GPC6: variants seen among roughly 807,000 people sequenced by gnomAD.
The protein encoded by GPC6 is glypican 6.
In GPC6, 14 loss-of-function variants were observed where a neutral mutation model predicts 55.2. That is an observed-to-expected ratio of 0.25 (90% CI 0.17 to 0.40). The LOEUF is 0.40. Among genes scored for constraint, GPC6 ranks in the 10% least tolerant of loss-of-function variants. The pLI, the probability that GPC6 is intolerant of heterozygous loss-of-function variation, is 1.00. For missense variants in GPC6, 641 were observed against 708.5 expected, an observed-to-expected ratio of 0.90 and a Z score of 1.08; for synonymous variants, 278 against 259.6, an observed-to-expected ratio of 1.07 and a Z score of -0.68.
chr13:94,073,940 A>C (rs966306719), intron 4 of GPC6, among the ~76,000 whole-genome samples: 1 of 152,204 alleles, frequency 6.6e-6, no homozygotes, highest in Non-Finnish European at 1.5e-5. Context: ...TGGCACTATT[A>C]GCAAAAATAA....
At chr13:94,195,960 C>G (rs1315931100) in intron 4 of GPC6, among the ~76,000 whole-genome samples, 1 of 152,214 alleles carries the variant, frequency 6.6e-6, no homozygotes, top group Non-Finnish European at 1.5e-5. Context: ...AAGCCAAAAC[C>G]ACTGCATGCT....
At chr13:93,675,372 G>A (rs972161410) in intron 2 of GPC6, among the ~76,000 whole-genome samples, 1 of 150,574 alleles carries the variant, frequency 6.6e-6, no homozygotes, top group Non-Finnish European at 1.5e-5. Context: ...TTACAAATTC[G>A]TGTTGATCAA....
intron 1 of GPC6, among the ~76,000 whole-genome samples, chr13:93,309,841 A>G (rs1158524451): frequency 6.6e-6 from 1 of 152,210 alleles, no homozygotes; most frequent in African/African-American, 2.4e-5. Context: ...ATTCCAATGT[A>G]AATCAGTTTG....
intron 6 of GPC6, among the ~76,000 whole-genome samples, chr13:94,322,037 T>G (rs941457947): frequency 6.6e-6 from 1 of 152,218 alleles, no homozygotes; most frequent in Non-Finnish European, 1.5e-5. Context: ...ATGGTTTTGC[T>G]GTATCTCCAC....
intron 1 of GPC6, among the ~76,000 whole-genome samples, chr13:93,353,286 T>C (rs1391124435): frequency 3.3e-5 from 5 of 152,208 alleles, no homozygotes; most frequent in African/African-American, 4.8e-5. Context: ...TGCCTTCACC[T>C]GGAGGAGTAG....
chr13:94,347,238 AG>A (rs1878337475), intron 6 of GPC6, among the ~76,000 whole-genome samples: 1 of 152,086 alleles, frequency 6.6e-6, no homozygotes, highest in Non-Finnish European at 1.5e-5. Flanking sequence ...TGAACCACCC[AG>A]ATCATGTTCT....
At chr13:93,244,639 G>T (rs1204980112) in intron 1 of GPC6, among the ~76,000 whole-genome samples, 2 of 152,188 alleles carry the variant, frequency 1.3e-5, no homozygotes, top group African/African-American at 4.8e-5. Flanking sequence ...GCACCCGGTA[G>T]GGTTAAGGAG....
At chr13:94,284,865 TA>T (rs10545616) in intron 4 of GPC6, among the ~76,000 whole-genome samples, 7,363 of 141,308 alleles carry the variant, frequency 0.052, 420 homozygotes, top group East Asian at 0.19. Flanking sequence ...TTGTGGATAA[TA>T]AAAAAAAAAA....
intron 1 of GPC6, among the ~76,000 whole-genome samples, chr13:93,276,946 C>A (rs1303845364): frequency 9.2e-5 from 14 of 152,134 alleles, no homozygotes. Flanking sequence ...ACAAATAAAA[C>A]CCTGTATTTC....
At chr13:93,486,956 A>C (rs1487732618) in intron 1 of GPC6, among the ~76,000 whole-genome samples, 1 of 150,970 alleles carries the variant, frequency 6.6e-6, no homozygotes, top group Non-Finnish European at 1.5e-5. Flanking sequence ...AAAAAAAAAA[A>C]ACAAAAAAAC....
In GPC6 at chr13:93,583,338, T is replaced by TTGTGTGTGTGTGTGTGTG. The variant is rs34034260; in HGVS notation, c.319+37933_319+37934insTGTGTGTGTGTGTGTGTG. ...GAATTTGTTTTAAAAGTAATGCACA[T>TTGTGTGTGTGTGTGTGTG]TGTGTGTGTGTGTGTGCGCGCGCGC... On this transcript the variant is annotated intron_variant, in intron 2 of 8. Coordinates refer to ENST00000377047, the MANE Select transcript of GPC6 (RefSeq NM_005708.5). Among the ~76,000 whole-genome samples, 742 of 151,556 alleles carry TTGTGTGTGTGTGTGTGTG rather than the reference T, an allele frequency of 4.9e-3. 4 individuals are homozygous for TTGTGTGTGTGTGTGTGTG. The highest frequency in any genetic ancestry group is 0.017 in the African/African-American group (689 of 41,296).
intron 2 of GPC6, among the ~76,000 whole-genome samples, chr13:93,671,262 A>G (rs1424410989): frequency 1.3e-5 from 2 of 150,450 alleles, no homozygotes; most frequent in Admixed American, 6.6e-5. Context: ...TTGTTTAGGC[A>G]CTGAAACTTT....
intron 1 of GPC6, among the ~76,000 whole-genome samples, chr13:93,494,183 C>T (rs1283711725): frequency 3.4e-5 from 4 of 118,168 alleles, no homozygotes; most frequent in East Asian, 3.1e-4. Context: ...TCACTCAGGA[C>T]TTGCTTTATG....
intron 4 of GPC6, among the ~76,000 whole-genome samples, chr13:94,082,126 C>G (rs1885122414): frequency 6.6e-6 from 1 of 152,110 alleles, no homozygotes; most frequent in Non-Finnish European, 1.5e-5. Context: ...TAGGCATGAG[C>G]CACTGCGCCC....
At chr13:94,111,229 T>C (rs1886235440) in intron 4 of GPC6, among the ~76,000 whole-genome samples, 1 of 152,022 alleles carries the variant, frequency 6.6e-6, no homozygotes, top group Non-Finnish European at 1.5e-5. Flanking sequence ...ATGATGCTAC[T>C]CTTTTGCAAG....
At chr13:93,567,524 C>T (rs1211952049) in intron 2 of GPC6, among the ~76,000 whole-genome samples, 1 of 151,540 alleles carries the variant, frequency 6.6e-6, no homozygotes, top group Admixed American at 6.6e-5. Flanking sequence ...AGGGTGTCAC[C>T]ATCTTAGCCA....
rs771247421 is a variant in GPC6, at chr13:94,128,516, C to A, written c.877+100622C>A. Among the ~76,000 whole-genome samples the A allele has an allele frequency of 2.6e-5, 4 of 152,066 alleles. 1 individual carries two copies. The South Asian group carries it at 8.3e-4, about 32-fold the overall frequency. On this transcript the variant is annotated intron_variant, in intron 4 of 8. Transcript: ENST00000377047. Reference sequence around the variant, plus strand: ...CTACACTTGTGTCCTCACTTTGGATCCTAGGTGACATAGCAGTTGCTGTGT... The same window carrying A: ...CTACACTTGTGTCCTCACTTTGGATACTAGGTGACATAGCAGTTGCTGTGT...
At chr13:94,376,653 C>A (rs1012255763) in intron 6 of GPC6, among the ~76,000 whole-genome samples, 7 of 151,722 alleles carry the variant, frequency 4.6e-5, no homozygotes, top group Admixed American at 4.6e-4. Context: ...CAATGCCATC[C>A]CCATCAAGCT....
At chr13:94,268,228 A>C (rs1386727459) in intron 4 of GPC6, among the ~76,000 whole-genome samples, 3 of 152,216 alleles carry the variant, frequency 2.0e-5, no homozygotes, top group Admixed American at 6.5e-5. Context: ...AGAATAAATA[A>C]TTTTTGCAAA....
Sources: gnomAD v4.1 joint callset for allele counts (sites outside exome capture counted in the v4.1 genomes callset) on GRCh38, gnomAD v4.1.1 for gene constraint, MANE v1.5 for transcripts, NCBI Gene and HGNC (gene_info 2026-07-23, HGNC 2026-07-21) for gene names.